The following TMEM117 variants were observed in gnomAD, a reference collection of about 807,000 sequenced individuals.
TMEM117 encodes the protein transmembrane protein 117.
In TMEM117, 27 loss-of-function variants were observed where a neutral mutation model predicts 52.4. The observed-to-expected ratio is 0.51, with a 90% confidence interval of 0.38 to 0.71. The LOEUF is 0.71. Among genes scored for constraint, TMEM117 ranks in the 30% least tolerant of loss-of-function variants. The probability of loss-of-function intolerance (pLI) is 0.00; values close to 1 mark genes in which losing one functional copy is unlikely to be tolerated. For synonymous variants in TMEM117, 215 were observed against 206.3 expected (o/e 1.04, Z -0.36); for missense variants, 556 against 630.5 (o/e 0.88, Z 1.26).
chr12:44,241,215 GT>G (rs199570956), intron 5 of TMEM117, among the ~76,000 whole-genome samples: 8,425 of 146,596 alleles, frequency 0.057, 403 homozygotes, highest in East Asian at 0.13. Context: ...TTTTTATTGT[GT>G]TTTTTTTTTA....
At chr12:43,952,636 G>A (rs1298538626) in intron 3 of TMEM117, among the ~76,000 whole-genome samples, 2 of 152,002 alleles carry the variant, frequency 1.3e-5, no homozygotes, top group East Asian at 3.9e-4. Flanking sequence ...AAGAATTATG[G>A]GACTATGTAA....
chr12:44,066,118 C>G (rs1947218257), intron 3 of TMEM117, among the ~76,000 whole-genome samples: 1 of 152,278 alleles, frequency 6.6e-6, no homozygotes, highest in African/African-American at 2.4e-5. Context: ...ACAATTTGAA[C>G]AGTTGGGCCC....
the TMEM117 span, chr12:43,800,297 TTA>T: frequency 6.7e-6 from 4 of 600,540 alleles, no homozygotes; most frequent in East Asian, 1.2e-4. Context: ...AACTTTAATA[TTA>T]TATGAAATAC....
chr12:43,942,739 G>C (rs1424291114), intron 2 of TMEM117, among the ~76,000 whole-genome samples: 1 of 151,954 alleles, frequency 6.6e-6, no homozygotes, highest in Non-Finnish European at 1.5e-5. Flanking sequence ...AAGTTCAATA[G>C]TTAAATCTTA....
At chr12:43,832,381 G>C (rs1823550768), upstream of TMEM117, among the ~76,000 whole-genome samples, 1 of 152,198 alleles carries the variant, frequency 6.6e-6, no homozygotes, top group Non-Finnish European at 1.5e-5. Flanking sequence ...AGGTCTGTGT[G>C]GTAGTGATTG....
At chr12:43,897,852 C>T (rs1379463284) in intron 2 of TMEM117, among the ~76,000 whole-genome samples, 1 of 152,102 alleles carries the variant, frequency 6.6e-6, no homozygotes, top group Non-Finnish European at 1.5e-5. Flanking sequence ...CTCAAGTGAT[C>T]CACTCCAGCT....
At chr12:43,980,770 A>G (rs1455013169) in intron 3 of TMEM117, among the ~76,000 whole-genome samples, 1 of 152,180 alleles carries the variant, frequency 6.6e-6, no homozygotes, top group Non-Finnish European at 1.5e-5. Context: ...ATCCAGTGAA[A>G]GAGCAGGCTA....
chr12:44,147,100 A>G (rs1948653732), intron 4 of TMEM117, among the ~76,000 whole-genome samples: 1 of 152,198 alleles, frequency 6.6e-6, no homozygotes, highest in South Asian at 2.1e-4. Flanking sequence ...AAGGGTACTA[A>G]TTCTTTTGTC....
rs570347362 is a variant in TMEM117 at position 44,000,850 on chromosome 12, A to G, written c.410+56508A>G. ...GGGCCAACAGGTAGCAAAGTGGAGG[A>G]GACACAGCACTAGAAAAGAGAAAAA... On this transcript the variant is annotated intron_variant, in intron 3 of 7. Coordinates refer to ENST00000266534, the MANE Select transcript of TMEM117 (RefSeq NM_032256.3). Among the ~76,000 whole-genome samples, 20 of 152,294 alleles carry G rather than the reference A, an allele frequency of 1.3e-4. No homozygotes were observed. The East Asian group carries it at 3.9e-3, about 29-fold the overall frequency.
At chr12:44,017,847 T>G (rs1946396158) in intron 3 of TMEM117, among the ~76,000 whole-genome samples, 1 of 152,156 alleles carries the variant, frequency 6.6e-6, no homozygotes. Context: ...GCTAGGCAAA[T>G]GATAGCAGAA....
At position 44,132,788 on chromosome 12, in the gene TMEM117, A is replaced by G. The variant is rs149527584; in HGVS notation, c.411-10737A>G. Among the ~76,000 whole-genome samples, 5 of 152,270 alleles carry G rather than the reference A, an allele frequency of 3.3e-5. No homozygotes were observed. The East Asian group carries it at 9.7e-4, about 29-fold the overall frequency. On this transcript the variant is annotated intron_variant, in intron 3 of 7. Transcript: ENST00000266534. The stretch of plus-strand genomic sequence containing the variant: ...TTCTCACTCCACCAAGTTTATGTGT[A>G]ATCTTACTTCTAGGGTGCTGTTTAC...
intron 4 of TMEM117, among the ~76,000 whole-genome samples, chr12:44,183,635 G>A (rs1949235681): frequency 1.3e-5 from 2 of 152,148 alleles, no homozygotes; most frequent in Admixed American, 6.6e-5. Flanking sequence ...TTTTGTGCAA[G>A]TGAAAGTGGG....
intron 5 of TMEM117, among the ~76,000 whole-genome samples, chr12:44,238,145 A>T (rs1254066334): frequency 1.3e-5 from 2 of 152,214 alleles, no homozygotes; most frequent in Non-Finnish European, 2.9e-5. Context: ...AATTACAGAT[A>T]AGAAGTGTCT....
At chr12:44,360,096 T>A (rs1458804167) in intron 6 of TMEM117, among the ~76,000 whole-genome samples, 8 of 152,170 alleles carry the variant, frequency 5.3e-5, no homozygotes, top group Non-Finnish European at 1.5e-5. Flanking sequence ...TGGTCAAATG[T>A]TCTATGAAAA....
intron 3 of TMEM117, among the ~76,000 whole-genome samples, chr12:43,959,730 G>A (rs1218704047): frequency 1.3e-5 from 2 of 151,980 alleles, no homozygotes; most frequent in East Asian, 3.8e-4. Context: ...ATTTATTTTG[G>A]GAGGTGATAT....
At chr12:44,283,893 A>C (rs1259078502) in intron 5 of TMEM117, among the ~76,000 whole-genome samples, 1 of 152,114 alleles carries the variant, frequency 6.6e-6, no homozygotes, top group Non-Finnish European at 1.5e-5. Flanking sequence ...TAGGTAATTG[A>C]ATCATGGGGG....
chr12:43,982,933 G>T (rs144050254), intron 3 of TMEM117, among the ~76,000 whole-genome samples: 3 of 152,078 alleles, frequency 2.0e-5, no homozygotes, highest in African/African-American at 7.2e-5. Flanking sequence ...TTATTCTAAA[G>T]CAGATTAACA....
intron 4 of TMEM117, among the ~76,000 whole-genome samples, chr12:44,186,844 G>A (rs1181277452): frequency 1.3e-5 from 2 of 152,100 alleles, no homozygotes; most frequent in Non-Finnish European, 1.5e-5. Context: ...TTGTCCCAAA[G>A]CATCGTTGTC....
intron 5 of TMEM117, among the ~76,000 whole-genome samples, chr12:44,284,498 C>T (rs1950615558): frequency 6.6e-6 from 1 of 152,128 alleles, no homozygotes; most frequent in African/African-American, 2.4e-5. Flanking sequence ...TTAGCATGTA[C>T]CAGGTAATTC....
Sources: gnomAD v4.1 joint callset for allele counts (sites outside exome capture counted in the v4.1 genomes callset) on GRCh38, gnomAD v4.1.1 for gene constraint, MANE v1.5 for transcripts, NCBI Gene and HGNC (gene_info 2026-07-23, HGNC 2026-07-21) for gene names.